The following ARHGEF3 variants were observed in gnomAD, a reference collection of about 807,000 sequenced individuals.
ARHGEF3 encodes the protein Rho guanine nucleotide exchange factor 3, also known as 59.8 kDA protein.
A neutral mutation model predicts 63.2 loss-of-function variants in ARHGEF3; 28 were observed. That is an observed-to-expected ratio of 0.44 (90% confidence interval 0.33 to 0.61). The LOEUF is 0.61. ARHGEF3 is among the 20% of genes least tolerant of loss of function. The pLI, the probability that ARHGEF3 is intolerant of heterozygous loss-of-function variation, is 0.03. For synonymous variants in ARHGEF3, 266 were observed against 254.2 expected, an observed-to-expected ratio of 1.05 and a Z score of -0.44; for missense variants, 533 against 659.3, an observed-to-expected ratio of 0.81 and a Z score of 2.10.
chr3:57,000,647 C>G (rs1310687475), intron 2 of ARHGEF3, among the ~76,000 whole-genome samples: 1 of 152,158 alleles, frequency 6.6e-6, no homozygotes, highest in African/African-American at 2.4e-5. Context: ...ATTCTCCTGC[C>G]TCAGGCTCCA....
chr3:56,807,949 C>A (rs923227950), intron 4 of ARHGEF3, among the ~76,000 whole-genome samples: 3 of 151,572 alleles, frequency 2.0e-5, no homozygotes, highest in Non-Finnish European at 4.4e-5. Context: ...CATGGTGAAA[C>A]CCCGTCTCTA....
chr3:56,922,604 T>A (rs1299933099), intron 3 of ARHGEF3, among the ~76,000 whole-genome samples: 4 of 152,174 alleles, frequency 2.6e-5, no homozygotes, highest in African/African-American at 9.6e-5. Flanking sequence ...TAAAAATATA[T>A]AACAAAAGCA....
At chr3:56,775,640 A>C in intron 1 of ARHGEF3, 1 of 985,770 alleles carries the variant, frequency 1.0e-6, no homozygotes, top group Non-Finnish European at 1.2e-6. Context: ...GAAGGGAAAG[A>C]TCTGACAGCT....
intron 3 of ARHGEF3, among the ~76,000 whole-genome samples, chr3:56,902,507 C>T (rs1453511693): frequency 6.6e-6 from 1 of 152,188 alleles, no homozygotes; most frequent in Non-Finnish European, 1.5e-5. Flanking sequence ...CTCCCTACAT[C>T]CTTTTTAGTC....
chr3:57,062,374 C>T (rs1003838809), intron 1 of ARHGEF3, among the ~76,000 whole-genome samples: 1 of 152,232 alleles, frequency 6.6e-6, no homozygotes, highest in Non-Finnish European at 1.5e-5. Context: ...CTACCACAGC[C>T]GAGGGGAGGG....
chr3:56,948,683 C>T (rs1416028376), intron 3 of ARHGEF3, among the ~76,000 whole-genome samples: 6 of 152,050 alleles, frequency 3.9e-5, no homozygotes, highest in African/African-American at 9.7e-5. Flanking sequence ...GATTCACAGC[C>T]GAATTCTACC....
At chr3:56,886,686 C>T (rs1055174582) in intron 3 of ARHGEF3, among the ~76,000 whole-genome samples, 13 of 152,270 alleles carry the variant, frequency 8.5e-5, no homozygotes, top group African/African-American at 2.4e-4. Context: ...GCCTATTGAA[C>T]GCTCACTACA....
chr3:56,921,078 C>G (rs1347766215), intron 3 of ARHGEF3, among the ~76,000 whole-genome samples: 1 of 100,026 alleles, frequency 1.0e-5, no homozygotes, highest in Non-Finnish European at 2.1e-5. Context: ...AAAAAAAAAA[C>G]TCATGGGCCA....
chr3:57,013,131 G>A (rs992274118), intron 2 of ARHGEF3, among the ~76,000 whole-genome samples: 20 of 152,328 alleles, frequency 1.3e-4, no homozygotes, highest in African/African-American at 4.3e-4. Context: ...CCTCCAGCCC[G>A]CCATGCCTGA....
chr3:56,841,543 G>A (rs3884684), intron 4 of ARHGEF3, among the ~76,000 whole-genome samples: 12,869 of 152,174 alleles, frequency 0.085, 797 homozygotes, highest in Admixed American at 0.21. Context: ...CAGTTAACCA[G>A]AAATTTTAAA....
chr3:56,958,753 G>A (rs1036906812), intron 3 of ARHGEF3: 54 of 1,470,680 alleles, frequency 3.7e-5, no homozygotes, highest in Admixed American at 1.2e-4. Context: ...AACAGCGTCC[G>A]TTCTGGAGGC....
intron 3 of ARHGEF3, among the ~76,000 whole-genome samples, chr3:56,903,159 CAG>C (rs2108314569): frequency 6.6e-6 from 1 of 152,100 alleles, no homozygotes; most frequent in East Asian, 1.9e-4. Flanking sequence ...GCCTACAATT[CAG>C]AGTTATGCTC....
chr3:56,762,710 T>C (rs79954127), intron 2 of ARHGEF3, among the ~76,000 whole-genome samples: 9,840 of 152,262 alleles, frequency 0.065, 406 homozygotes, highest in South Asian at 0.17. Context: ...CATATTGCTA[T>C]TTTGTAGCAG....
chr3:56,749,582 C>G (rs989367345), intron 6 of ARHGEF3, among the ~76,000 whole-genome samples: 1 of 152,162 alleles, frequency 6.6e-6, no homozygotes, highest in Non-Finnish European at 1.5e-5. Flanking sequence ...CTCATTATAC[C>G]TTCTTTGTCT....
chr3:56,827,149 T>C (rs1229854435), intron 4 of ARHGEF3, among the ~76,000 whole-genome samples: 1 of 152,200 alleles, frequency 6.6e-6, no homozygotes, highest in African/African-American at 2.4e-5. Context: ...CACTTTTACA[T>C]GGCAAACAAG....
In ARHGEF3 at chr3:56,773,811, A is replaced by G; in HGVS notation, c.102T>C (p.Pro34=). 1 of 1,586,996 alleles carries G rather than the reference A, an allele frequency of 6.3e-7. No individual in the cohort carries two copies. The highest frequency in any genetic ancestry group is 8.5e-7 in the Non-Finnish European group (1 of 1,171,386). ...ASGPAKDAEE[P]SNKRVKPLSR... is the part of the protein sequence containing the mutation. ...AAAGGGGTTTGACCCGTTTATTACT[A>G]GGCTCCTATAGAGTTAAAAAAAAAA... Residue 34 remains proline, a synonymous_variant, in exon 2 of 10, where the codon CCT becomes CCC. Coordinates refer to ENST00000296315, the MANE Select transcript of ARHGEF3 (RefSeq NM_019555.3).
At chr3:56,933,521 G>A (rs1661847983) in intron 3 of ARHGEF3, among the ~76,000 whole-genome samples, 1 of 151,732 alleles carries the variant, frequency 6.6e-6, no homozygotes, top group Non-Finnish European at 1.5e-5. Context: ...CTGGGCTCAG[G>A]TGATCTTCCC....
intron 1 of ARHGEF3, among the ~76,000 whole-genome samples, chr3:56,785,065 T>A (rs2036737608): frequency 1.3e-5 from 2 of 152,148 alleles, no homozygotes; most frequent in African/African-American, 2.4e-5. Flanking sequence ...GCCCCTGCCC[T>A]CTTCTATTCC....
chr3:56,740,270 T>TAAA (rs11445737), intron 7 of ARHGEF3, among the ~76,000 whole-genome samples: 10 of 148,428 alleles, frequency 6.7e-5, no homozygotes, highest in African/African-American at 2.5e-4. Flanking sequence ...TACTTTGATT[T>TAAA]AAAAAAAAAA....
Sources: allele counts gnomAD v4.1 joint callset (sites outside exome capture counted in the v4.1 genomes callset), GRCh38; gene constraint gnomAD v4.1.1; transcripts MANE v1.5; gene names NCBI Gene and HGNC (gene_info 2026-07-23, HGNC 2026-07-21).